STK11: variants seen among roughly 807,000 people sequenced by gnomAD.
STK11 encodes serine/threonine kinase 11.
STK11 carries 8 observed loss-of-function variants against 47.3 expected under a neutral mutation model. That is an observed-to-expected ratio of 0.17 (90% CI 0.10 to 0.31). The LOEUF is 0.31. STK11 is among the 10% of genes least tolerant of loss of function. The pLI, the probability that STK11 is intolerant of heterozygous loss-of-function variation, is 1.00. For missense variants in STK11, 475 were observed against 605.0 expected (o/e 0.79, Z 2.25); for synonymous variants, 330 against 255.8 (o/e 1.29, Z -2.77).
At position 1,219,350 on chromosome 19, in the gene STK11, G is replaced by T; in HGVS notation, c.401G>T (p.Cys134Phe). Reference protein sequence around the residue: ...KMYMVMEYCVCGMQEMLDSVP... With the variant: ...KMYMVMEYCVFGMQEMLDSVP... ...TATATGGTGATGGAGTACTGCGTGT[G>T]TGGCATGCAGGAAATGCTGGACAGC... The change falls in exon 3 of 10, where the codon TGT becomes TTT. Residue 134 changes from cysteine (C) to phenylalanine (F), a missense_variant. By Grantham distance (205) the Cys-to-Phe change is radical. This residue lies in a region of STK11 where 46 missense variants were observed against 45.5 expected (regional missense o/e 1.01). Coordinates refer to ENST00000326873, the MANE Select transcript of STK11 (RefSeq NM_000455.5). 6.3e-7 allele frequency: 1 copy of T among 1,596,540 alleles called. No individual in the cohort carries two copies. The highest frequency in any genetic ancestry group is 8.5e-7 in the Non-Finnish European group (1 of 1,172,324).
chr19:1,218,483 C>T lies in STK11; in HGVS notation c.357C>T (p.Asn119=), dbSNP rs372511774. Residue 119 remains asparagine (N), a synonymous_variant, in exon 2 of 10, where the codon AAC becomes AAT. Transcript: ENST00000326873. ...NVIQLVDVLY[N]EEKQKMYMVM... ...TCCAGCTGGTGGATGTGTTATACAACGAAGAGAAGCAGAAAATATATCCTT... is the reference window on the plus strand; with the variant it reads ...TCCAGCTGGTGGATGTGTTATACAATGAAGAGAAGCAGAAAATATATCCTT... 8.2e-5 allele frequency: 132 copies of T among 1,613,428 alleles called. No individual in the cohort carries two copies. Among genetic ancestry groups the T allele is most frequent in the Middle Eastern group, 1.6e-4 (1 of 6,082 alleles).
intron 7 of STK11, 74 bp from the exon 8 acceptor site, chr19:1,222,911 A>G (rs2145430293): frequency 6.8e-7 from 1 of 1,463,058 alleles, no homozygotes; most frequent in African/African-American, 1.4e-5. Flanking sequence ...CCCTGGGCCC[A>G]GAGGAGCTGG....
chr19:1,217,603 C>A (rs908612726), intron 1 of STK11, among the ~76,000 whole-genome samples: 2 of 152,148 alleles, frequency 1.3e-5, no homozygotes, highest in Non-Finnish European at 2.9e-5. Context: ...CAGTGACAGG[C>A]GGGTGGGTGT....
intron 1 of STK11, among the ~76,000 whole-genome samples, chr19:1,214,321 C>T (rs567620441): frequency 3.9e-5 from 6 of 152,340 alleles, no homozygotes; most frequent in Admixed American, 3.3e-4. Flanking sequence ...CGTGCCTGCG[C>T]AGAATGCCTT....
At chr19:1,227,535 C>G in intron 9 of STK11, 58 bp from the exon 10 acceptor site, 1 of 1,061,814 alleles carries the variant, frequency 9.4e-7, no homozygotes, top group Non-Finnish European at 1.1e-6. Context: ...CAGGGGCCCG[C>G]GGGAGGCGGA....
intron 1 of STK11, among the ~76,000 whole-genome samples, chr19:1,213,275 G>C (rs1041439079): frequency 6.6e-6 from 1 of 152,154 alleles, no homozygotes; most frequent in Non-Finnish European, 1.5e-5. Context: ...GGGGTTACAG[G>C]TGTGAGCCAC....
chr19:1,223,079 C>T lies in STK11; in HGVS notation c.1015C>T (p.Pro339Ser), dbSNP rs769644352. ...KDRWRSMTVV[P>S]YLEDLHGADE... The stretch of plus-strand genomic sequence containing the variant: ...CCGGTGGCGCAGCATGACTGTGGTG[C>T]CGTACTTGGAGGACCTGCACGGCGC... Residue 339 changes from proline to serine, a missense_variant, in exon 8 of 10, where the codon CCG becomes TCG. Coordinates refer to ENST00000326873, the MANE Select transcript of STK11 (RefSeq NM_000455.5). The T allele has an allele frequency of 6.2e-7, 1 of 1,608,716 alleles. No homozygotes were observed. Among genetic ancestry groups the T allele is most frequent in the Admixed American group, 1.7e-5 (1 of 59,574 alleles).
At chr19:1,218,842 T>A (rs55821307) in intron 2 of STK11, among the ~76,000 whole-genome samples, 3,116 of 152,322 alleles carry the variant, frequency 0.02, 109 homozygotes, top group African/African-American at 0.072. Context: ...TGGCTGGGCG[T>A]GTCCTCGTGT....
chr19:1,227,352 C>T (rs373519415), intron 9 of STK11: 2 of 226,964 alleles, frequency 8.8e-6, no homozygotes, highest in East Asian at 1.6e-4. Context: ...CATGTCTGTC[C>T]CCCAAATGGG....
chr19:1,214,301 G>A (rs1466482436), intron 1 of STK11, among the ~76,000 whole-genome samples: 6 of 152,306 alleles, frequency 3.9e-5, no homozygotes, highest in South Asian at 2.1e-4. Context: ...GGCATAAATC[G>A]GGGGACGCAC....
chr19:1,226,953 T>C, intron 9 of STK11: 1 of 408,166 alleles, frequency 2.4e-6, no homozygotes. Context: ...CCGAGGACCC[T>C]GCCCTGGGCC....
chr19:1,221,923 C>T (rs2080787026), intron 6 of STK11, 26 bp from the exon 7 acceptor site: 1 of 1,550,498 alleles, frequency 6.4e-7, no homozygotes, highest in Non-Finnish European at 8.7e-7. Flanking sequence ...GCCCAGCTGA[C>T]AGGCTCCTCG....
In STK11 at chr19:1,219,446, G is replaced by GGGGGCCA. The variant is rs2145422705; in HGVS notation, c.464+39_464+40insAGGGGCC. 3 of 1,542,138 alleles carry GGGGGCCA rather than the reference G, an allele frequency of 1.9e-6. No homozygotes were observed. Among genetic ancestry groups the GGGGGCCA allele is most frequent in the East Asian group, 2.5e-5 (1 of 40,800 alleles). On this transcript the variant is annotated intron_variant, in intron 3 of 9. Coordinates refer to ENST00000326873, the MANE Select transcript of STK11 (RefSeq NM_000455.5). The stretch of plus-strand genomic sequence containing the variant: ...CGCGGGGCAGGGGCCAGGGTGGGGC[G>GGGGGCCA]GGGGCCGGGGGCCAGGCAGGGCAGG...
At chr19:1,211,887 T>C (rs1373174562) in intron 1 of STK11, among the ~76,000 whole-genome samples, 3 of 152,200 alleles carry the variant, frequency 2.0e-5, no homozygotes, top group East Asian at 3.8e-4. Context: ...TCCTGGACTT[T>C]GTAGGTCTTT....
intron 1 of STK11, among the ~76,000 whole-genome samples, chr19:1,209,176 C>T (rs2080692114): frequency 6.7e-6 from 1 of 150,302 alleles, no homozygotes; most frequent in South Asian, 2.2e-4. Flanking sequence ...TAGGCAGAGC[C>T]TGTGCCTGGT....
Position 1,227,765 on chromosome 19 carries a change from C to G in STK11, c.*189C>G. The G allele has an allele frequency of 2.8e-6, 3 of 1,073,174 alleles. No homozygotes were observed. In the African/African-American group the frequency reaches 4.9e-5, roughly 18 times the overall value. The allele number at this position is 1,073,174 out of a possible 1,614,324, so 66.5% of individuals were successfully genotyped here. A position where few individuals can be genotyped will look rare whatever the true frequency, so the allele number is the denominator to read the frequency against. On this transcript the variant is annotated 3_prime_UTR_variant, in exon 10 of 10. Coordinates refer to ENST00000326873, the MANE Select transcript of STK11 (RefSeq NM_000455.5). Reference sequence around the variant, plus strand: ...GACAGCAGGGACCGGGCGCAGCCCTCCCCCCTCGGCCGCCCGGCAGTGCAC... The same window carrying G: ...GACAGCAGGGACCGGGCGCAGCCCTGCCCCCTCGGCCGCCCGGCAGTGCAC...
intron 7 of STK11, among the ~76,000 whole-genome samples, chr19:1,222,767 C>G (rs2080794125): frequency 6.6e-6 from 1 of 152,196 alleles, no homozygotes; most frequent in Non-Finnish European, 1.5e-5. Context: ...GGACACAGGC[C>G]TCAGGGTGGA....
At chr19:1,209,560 C>T (rs907807647) in intron 1 of STK11, among the ~76,000 whole-genome samples, 4 of 151,244 alleles carry the variant, frequency 2.6e-5, no homozygotes, top group African/African-American at 7.3e-5. Context: ...CCAGCCTGGG[C>T]GACACAGCGA....
In STK11 at chr19:1,222,310, C is replaced by T. The variant is rs1196938246; in HGVS notation, c.920+304C>T. The stretch of plus-strand genomic sequence containing the variant: ...GTCCCAAACACTGGCGAGAGCCTCT[C>T]TTTTTCCCCTCCTCCTGGGGCTCCC... On this transcript the variant is annotated intron_variant, in intron 7 of 9. Coordinates refer to ENST00000326873, the MANE Select transcript of STK11 (RefSeq NM_000455.5). Among the ~76,000 whole-genome samples, 3 of 152,238 alleles carry T rather than the reference C, an allele frequency of 2.0e-5. No individual in the cohort carries two copies. The East Asian group carries it at 5.8e-4, about 29-fold the overall frequency.
Sources: gnomAD v4.1 joint callset for allele counts (sites outside exome capture counted in the v4.1 genomes callset) on GRCh38, gnomAD v4.1.1 for gene constraint, gnomAD v4.1.1 regional missense constraint, MANE v1.5 for transcripts, NCBI Gene and HGNC (gene_info 2026-07-23, HGNC 2026-07-21) for gene names.